Variants in ATR observed in about 807,000 individuals in gnomAD.
The protein encoded by ATR is serine/threonine-protein kinase ATR.
Under a neutral mutation model 305.3 loss-of-function variants are expected in ATR, and 142 were observed. The observed-to-expected ratio is 0.47, with a 90% CI of 0.41 to 0.53. The LOEUF is 0.53. Among genes scored for constraint, ATR ranks in the 20% least tolerant of loss-of-function variants. The pLI is 0.00. For synonymous variants in ATR, 1,050 were observed against 1,068.1 expected (o/e 0.98, Z 0.33); for missense variants, 2,135 against 3,133.1 (o/e 0.68, Z 7.60).
chr3:142,481,817 GATTT>G (rs1328793995), intron 36 of ATR, among the ~76,000 whole-genome samples: 8 of 151,080 alleles, frequency 5.3e-5, no homozygotes, highest in African/African-American at 1.7e-4. Flanking sequence ...CATTTATTTT[GATTT>G]ATTTATTTAT....
At position 142,560,418 on chromosome 3, in the gene ATR, T is replaced by C. The variant is rs777754544; in HGVS notation, c.1386A>G (p.Leu462=). Residue 462 remains leucine (L), a synonymous_variant, in exon 6 of 47, where the codon TTA becomes TTG. Coordinates refer to ENST00000350721, the MANE Select transcript of ATR (RefSeq NM_001184.4). ...KHVDMNQKSI[L]WSALKQKAES... is the part of the protein sequence containing the mutation. ...CAGCTTTCTGTTTCAGTGCACTCCA[T>C]AATATGCTCTTTTGGTTCATGTCCA... The C allele has an allele frequency of 3.1e-6, 5 of 1,613,558 alleles. No homozygotes were observed. The highest frequency in any genetic ancestry group is 4.2e-6 in the Non-Finnish European group (5 of 1,179,544).
In ATR at chr3:142,562,967, G is replaced by A; in HGVS notation, c.435C>T (p.Leu145=). The A allele has an allele frequency of 1.2e-6, 2 of 1,609,812 alleles. No homozygotes were observed. Among genetic ancestry groups the A allele is most frequent in the Admixed American group, 1.7e-5 (1 of 59,028 alleles). ...KSKSPAIFGV[L]TKELLQLFED... ...CAAAAAGTTGTAATAATTCTTTTGT[G>A]AGTACCCCAAAAATAGCAGGACTCT... The change falls in exon 4 of 47, where the codon CTC becomes CTT. Residue 145 remains leucine, a synonymous_variant. Coordinates refer to ENST00000350721, the MANE Select transcript of ATR (RefSeq NM_001184.4).
intron 36 of ATR, among the ~76,000 whole-genome samples, chr3:142,481,173 G>A (rs933147019): frequency 5.3e-5 from 8 of 152,326 alleles, no homozygotes; most frequent in East Asian, 1.9e-4. Context: ...CATCTTCTGC[G>A]CTGCTCATGC....
chr3:142,556,161 T>C (rs2034665285), intron 9 of ATR, 22 bp from the exon 10 acceptor site: 2 of 1,611,586 alleles, frequency 1.2e-6, no homozygotes, highest in Non-Finnish European at 1.7e-6. Context: ...AAAGAAAAAG[T>C]ACTAAACTTT....
At position 142,562,289 on chromosome 3, in the gene ATR, A is replaced by G. The variant is rs761424686; in HGVS notation, c.1113T>C (p.Tyr371=). ...AAAGAGCTTTACAAATATTTCTCAC[A>G]TAGACCTTCCTGACTTGTAAAGCAG... ...YESALQVRKV[Y]VRNICKALLD... The change falls in exon 4 of 47, where the codon TAT becomes TAC. Residue 371 remains tyrosine, a synonymous_variant. Transcript: ENST00000350721. 2 of 1,614,006 alleles carry G rather than the reference A, an allele frequency of 1.2e-6. No homozygotes were observed. The highest frequency in any genetic ancestry group is 2.7e-5 in the African/African-American group (2 of 74,948).
intron 38 of ATR, 103 bp from the exon 39 acceptor site, chr3:142,468,171 G>C: frequency 3.8e-6 from 5 of 1,333,164 alleles, no homozygotes; most frequent in Non-Finnish European, 5.2e-6. Flanking sequence ...TTCATGATGA[G>C]AGTTTATATG....
At chr3:142,484,243 G>T (rs556437912) in intron 36 of ATR, among the ~76,000 whole-genome samples, 123 of 152,264 alleles carry the variant, frequency 8.1e-4, no homozygotes, top group Non-Finnish European at 1.3e-3. Context: ...CATAGAAAAG[G>T]CCAAGAAAAG....
At chr3:142,536,077 T>C in intron 20 of ATR, 31 bp downstream of exon 20, 7 of 1,404,652 alleles carry the variant, frequency 5.0e-6, no homozygotes, top group Non-Finnish European at 6.1e-6. Context: ...GTATTAATGA[T>C]CTCCTAAACC....
intron 15 of ATR, 59 bp from the exon 16 acceptor site, chr3:142,547,969 G>A (rs2034336319): frequency 1.4e-6 from 2 of 1,450,254 alleles, no homozygotes; most frequent in South Asian, 1.2e-5. Context: ...CTGGAAATAA[G>A]TATACTGATT....
In ATR at chr3:142,542,688, C is replaced by T; in HGVS notation, c.3427G>A (p.Val1143Ile). Residue 1143 changes from valine (V) to isoleucine (I), a missense_variant, in exon 17 of 47, where the codon GTT (valine) becomes ATT (isoleucine). Val to Ile is a conservative substitution (Grantham distance 29). Transcript: ENST00000350721. ...ACCATTTTCTTATCTTCAATGCCAA[C>T]ACTAGAGCTCAGTAACTGCATGTTA... The part of the protein sequence containing the change: ...FFNMQLLSSS[V>I]GIEDKKMALN... 1 of 1,613,312 alleles carries T rather than the reference C, an allele frequency of 6.2e-7. No homozygotes were observed. The highest frequency in any genetic ancestry group is 8.5e-7 in the Non-Finnish European group (1 of 1,179,562).
At chr3:142,560,148 C>T in intron 6 of ATR, 115 bp downstream of exon 6, 2 of 993,272 alleles carry the variant, frequency 2.0e-6, no homozygotes, top group African/African-American at 1.6e-5. Context: ...TTATTAACTA[C>T]TTCAGTGAAA....
At chr3:142,499,306 TTTC>T in intron 31 of ATR, 1 of 305,792 alleles carries the variant, frequency 3.3e-6, no homozygotes, top group South Asian at 3.2e-5. Context: ...TTTTTTTTTT[TTTC>T]TTTGAGATGG....
intron 46 of ATR, chr3:142,452,122 C>G: frequency 7.9e-6 from 8 of 1,016,728 alleles, no homozygotes; most frequent in Non-Finnish European, 9.4e-6. Flanking sequence ...AGCAGCTAAA[C>G]CTTCTTTCTC....
chr3:142,559,051 A>G (rs2034784217), intron 7 of ATR, 200 bp downstream of exon 7: 2 of 655,092 alleles, frequency 3.1e-6, no homozygotes, highest in African/African-American at 3.7e-5. Context: ...AATAATTTCT[A>G]TTGACTAAAG....
At chr3:142,458,512 A>T (rs2070955678) in intron 44 of ATR, among the ~76,000 whole-genome samples, 2 of 152,096 alleles carry the variant, frequency 1.3e-5, no homozygotes, top group South Asian at 4.1e-4. Flanking sequence ...CAATTGCCTC[A>T]ATTTATTCCC....
chr3:142,527,585 GT>G (rs2033448125), intron 21 of ATR, among the ~76,000 whole-genome samples: 1 of 152,008 alleles, frequency 6.6e-6, no homozygotes, highest in African/African-American at 2.4e-5. Flanking sequence ...AATTTCGCTA[GT>G]TTTTTGCTAG....
chr3:142,466,624 G>C, intron 39 of ATR, 91 bp from the exon 40 acceptor site: 3 of 1,222,664 alleles, frequency 2.5e-6, no homozygotes, highest in Non-Finnish European at 3.5e-6. Context: ...GATTACAAAG[G>C]TTCAGCAGTC....
chr3:142,458,787 T>A (rs1182342083), intron 44 of ATR, among the ~76,000 whole-genome samples, 171 bp downstream of exon 44: 1 of 152,116 alleles, frequency 6.6e-6, no homozygotes, highest in Non-Finnish European at 1.5e-5. Context: ...GTTCTCTCCA[T>A]CCTAATACGC....
intron 16 of ATR, among the ~76,000 whole-genome samples, chr3:142,543,621 T>C (rs1427016219): frequency 6.6e-6 from 1 of 151,732 alleles, no homozygotes; most frequent in Non-Finnish European, 1.5e-5. Flanking sequence ...AGTTCCTTCC[T>C]TCCTTTCTAT....
Sources: gnomAD v4.1 joint callset for allele counts (sites outside exome capture counted in the v4.1 genomes callset) on GRCh38, gnomAD v4.1.1 for gene constraint, MANE v1.5 for transcripts, NCBI Gene and HGNC (gene_info 2026-07-23, HGNC 2026-07-21) for gene names.